DAPK1: variants seen among roughly 807,000 people sequenced by gnomAD.
The protein encoded by DAPK1 is death-associated protein kinase 1.
DAPK1 carries 56 observed loss-of-function variants against 144.9 expected under a neutral mutation model. The ratio of observed to expected loss-of-function variants is 0.39; its 90% CI spans 0.31 to 0.48. The LOEUF is 0.48. Ranked by LOEUF, DAPK1 falls within the 20% of genes least tolerant of loss-of-function variation. DAPK1 has a pLI of 0.95. For missense variants in DAPK1, 1,454 were observed against 1,875.4 expected (o/e 0.78, Z 4.15); for synonymous variants, 690 against 749.0 (o/e 0.92, Z 1.29).
chr9:87,681,762 CA>C, intron 20 of DAPK1, 136 bp downstream of exon 20: 1 of 675,604 alleles, frequency 1.5e-6, no homozygotes, highest in Non-Finnish European at 2.7e-6. Flanking sequence ...TAGTGGTTTT[CA>C]GGTCCAGGTT....
intron 3 of DAPK1, among the ~76,000 whole-genome samples, chr9:87,619,214 G>T (rs1337872392): frequency 6.6e-6 from 1 of 152,130 alleles, no homozygotes; most frequent in Non-Finnish European, 1.5e-5. Context: ...TTTTGTACTT[G>T]TGTTTTCCTC....
At chr9:87,503,247 ATG>A (rs961860403) in intron 2 of DAPK1, among the ~76,000 whole-genome samples, 11 of 151,662 alleles carry the variant, frequency 7.3e-5, no homozygotes, top group Middle Eastern at 3.4e-3. Flanking sequence ...TTTTATATAT[ATG>A]TGTGTGTGTA....
chr9:87,678,745 C>T (rs764007498), intron 19 of DAPK1, among the ~76,000 whole-genome samples: 33 of 152,254 alleles, frequency 2.2e-4, no homozygotes, highest in Admixed American at 1.7e-3. Context: ...GAGAATTCTT[C>T]GCTGTGAGGG....
At chr9:87,545,699 C>T (rs1341715062) in intron 2 of DAPK1, among the ~76,000 whole-genome samples, 1 of 152,130 alleles carries the variant, frequency 6.6e-6, no homozygotes, top group Non-Finnish European at 1.5e-5. Flanking sequence ...GCATGCACCA[C>T]CACACCTGGC....
chr9:87,567,099 A>G (rs146988912), intron 2 of DAPK1, among the ~76,000 whole-genome samples: 117 of 152,338 alleles, frequency 7.7e-4, no homozygotes, highest in Non-Finnish European at 1.4e-3. Flanking sequence ...TTCCAAAACA[A>G]ATTATTGTGA....
intron 2 of DAPK1, among the ~76,000 whole-genome samples, chr9:87,574,189 C>G (rs1233895815): frequency 1.3e-5 from 2 of 152,214 alleles, no homozygotes; most frequent in Non-Finnish European, 2.9e-5. Flanking sequence ...ATTCTGCTTA[C>G]ATTCTATTGG....
At chr9:87,667,040 TG>T (rs1452571496) in intron 18 of DAPK1, among the ~76,000 whole-genome samples, 7 of 152,184 alleles carry the variant, frequency 4.6e-5, no homozygotes, top group Non-Finnish European at 2.9e-5. Flanking sequence ...CAGCAGTGTC[TG>T]TGTGGGAGCT....
At chr9:87,499,669 C>T (rs1186845163) in intron 2 of DAPK1, among the ~76,000 whole-genome samples, 1 of 152,066 alleles carries the variant, frequency 6.6e-6, no homozygotes, top group East Asian at 1.9e-4. Flanking sequence ...ATTTAATTAC[C>T]TGGTTGGTGT....
rs545027561 is a variant in DAPK1 at position 87,623,650 on chromosome 9, G to T, written c.285-14293G>T. Among the ~76,000 whole-genome samples, 6 of 152,286 alleles carry T rather than the reference G, an allele frequency of 3.9e-5. No homozygotes were observed. In the East Asian group the frequency reaches 1.2e-3, roughly 29 times the overall value. On this transcript the variant is annotated intron_variant, in intron 3 of 25. Coordinates refer to ENST00000408954, the MANE Select transcript of DAPK1 (RefSeq NM_004938.4). The stretch of plus-strand genomic sequence containing the variant: ...ACGCTATGGGCTAGAGGGTGGGTTG[G>T]GAGTGGAGGTGTAAGACAAGATAGT...
chr9:87,605,455 C>T (rs13288561), intron 3 of DAPK1, among the ~76,000 whole-genome samples: 19,629 of 152,086 alleles, frequency 0.13, 1,325 homozygotes, highest in East Asian at 0.21. Flanking sequence ...TCATCTTTGC[C>T]GTGAGCACAT....
intron 2 of DAPK1, among the ~76,000 whole-genome samples, chr9:87,552,329 A>C (rs1216286781): frequency 1.0e-5 from 1 of 100,182 alleles, no homozygotes; most frequent in Admixed American, 9.3e-5. Context: ...TAAAGAGGAC[A>C]AGGGAGGGAT....
intron 3 of DAPK1, among the ~76,000 whole-genome samples, chr9:87,626,378 G>A (rs1386392155): frequency 6.6e-6 from 1 of 152,146 alleles, no homozygotes; most frequent in Non-Finnish European, 1.5e-5. Flanking sequence ...TCATACCACT[G>A]CACTCCAGCA....
In DAPK1 at chr9:87,633,252, TAGAAATGAA is replaced by T. The variant is rs1476939559; in HGVS notation, c.285-4690_285-4682del. On this transcript the variant is annotated intron_variant, in intron 3 of 25. Transcript: ENST00000408954. Reference sequence around the variant, plus strand: ...GGATGAAGGAATATGAGTCCATATGTAGAAATGAAGGAAATGTAGGGATGAAGGGGGATG... The same window carrying T: ...GGATGAAGGAATATGAGTCCATATGTGGAAATGTAGGGATGAAGGGGGATG... 3.0e-6 allele frequency: 3 copies of T among 984,208 alleles called. No homozygotes were observed. In the African/African-American group the frequency reaches 5.3e-5, roughly 17 times the overall value. The allele number at this position is 984,208 out of a possible 1,614,324, so 61.0% of individuals were successfully genotyped here.
chr9:87,530,361 C>T (rs550251217), intron 2 of DAPK1, among the ~76,000 whole-genome samples: 101 of 152,276 alleles, frequency 6.6e-4, no homozygotes, highest in African/African-American at 2.4e-3. Context: ...TACATCTAGC[C>T]CTCTGTAGGG....
intron 2 of DAPK1, among the ~76,000 whole-genome samples, chr9:87,531,722 G>A (rs1825704051): frequency 6.6e-6 from 1 of 152,176 alleles, no homozygotes; most frequent in South Asian, 2.1e-4. Context: ...AGCTTAAAAA[G>A]CTGGTTGCCT....
intron 2 of DAPK1, among the ~76,000 whole-genome samples, chr9:87,595,942 T>C (rs2118909472): frequency 6.6e-6 from 1 of 152,310 alleles, no homozygotes; most frequent in Admixed American, 6.5e-5. Context: ...AAAATAGTTT[T>C]TGGAGGGTTG....
At chr9:87,572,312 A>G (rs1023425691) in intron 2 of DAPK1, among the ~76,000 whole-genome samples, 1 of 152,178 alleles carries the variant, frequency 6.6e-6, no homozygotes, top group South Asian at 2.1e-4. Flanking sequence ...TTCTATGACA[A>G]TGGCTACTAA....
At chr9:87,589,055 ATTTTTTTTTTT>A (rs35875159) in intron 2 of DAPK1, among the ~76,000 whole-genome samples, 1 of 101,200 alleles carries the variant, frequency 9.9e-6, no homozygotes, top group African/African-American at 4.0e-5. Context: ...CGCCCGGCTA[ATTTTTTTTTTT>A]TTTTTTTTTT....
At chr9:87,640,498 C>T in intron 8 of DAPK1, 48 bp downstream of exon 8, 1 of 1,588,364 alleles carries the variant, frequency 6.3e-7, no homozygotes, top group African/African-American at 1.3e-5. Context: ...CCTCAGCCAG[C>T]CCAGAGCCTG....
Sources: allele counts gnomAD v4.1 joint callset (sites outside exome capture counted in the v4.1 genomes callset), GRCh38; gene constraint gnomAD v4.1.1; transcripts MANE v1.5; gene names NCBI Gene and HGNC (gene_info 2026-07-23, HGNC 2026-07-21).